The following DTNB variants were observed in gnomAD, a reference collection of about 807,000 sequenced individuals.
DTNB encodes the protein DTN-B.
Under a neutral mutation model 90.7 loss-of-function variants are expected in DTNB, and 63 were observed. The ratio of observed to expected loss-of-function variants is 0.69; its 90% CI spans 0.57 to 0.86. The LOEUF is 0.86. DTNB is among the 40% of genes least tolerant of loss of function. The pLI, the probability that DTNB is intolerant of heterozygous loss-of-function variation, is 0.00. For missense variants in DTNB, 744 were observed against 807.1 expected, an observed-to-expected ratio of 0.92 and a Z score of 0.95; for synonymous variants, 277 against 286.7, an observed-to-expected ratio of 0.97 and a Z score of 0.34.
In DTNB at chr2:25,387,397, G is replaced by A. The variant is rs752938500; in HGVS notation, c.1736-19C>T. Reference sequence around the variant, plus strand: ...CTCGTACCTGAGGAGAGGCAGAGCAGATGGGGATGCCAGGGTGGGTGAGCG... The same window carrying A: ...CTCGTACCTGAGGAGAGGCAGAGCAAATGGGGATGCCAGGGTGGGTGAGCG... On this transcript the variant is annotated intron_variant, in intron 17 of 20. Coordinates refer to ENST00000406818, the MANE Select transcript of DTNB (RefSeq NM_021907.5). This position sits in a 1 kb window ranked among gnomAD's most constrained non-coding sequence, Gnocchi z 4.5. 2 of 1,607,076 alleles carry A rather than the reference G, an allele frequency of 1.2e-6. No individual in the cohort carries two copies. Among genetic ancestry groups the A allele is most frequent in the Admixed American group, 3.3e-5 (2 of 59,882 alleles).
chr2:25,391,364 A>G (rs2041067259), intron 16 of DTNB, among the ~76,000 whole-genome samples: 1 of 152,228 alleles, frequency 6.6e-6, no homozygotes. Flanking sequence ...TATATGATAC[A>G]TGATCTATAT....
chr2:25,616,989 T>C (rs2070904531), intron 4 of DTNB, among the ~76,000 whole-genome samples: 1 of 150,312 alleles, frequency 6.7e-6, no homozygotes, highest in African/African-American at 2.5e-5. Context: ...AATTAAGTAT[T>C]GCCAGTAATG....
chr2:25,611,115 T>C (rs2068509790), intron 4 of DTNB, among the ~76,000 whole-genome samples: 1 of 152,228 alleles, frequency 6.6e-6, no homozygotes, highest in African/African-American at 2.4e-5. Flanking sequence ...TCTGGCTTCT[T>C]TCACTCAACA....
At chr2:25,617,674 C>T (rs778608918) in intron 4 of DTNB, among the ~76,000 whole-genome samples, 19 of 152,176 alleles carry the variant, frequency 1.2e-4, no homozygotes, top group Non-Finnish European at 2.8e-4. Flanking sequence ...AGGTGGATCA[C>T]TTGAGACCAA....
At chr2:25,610,698 C>T (rs559982578) in intron 4 of DTNB, among the ~76,000 whole-genome samples, 4 of 147,116 alleles carry the variant, frequency 2.7e-5, no homozygotes, top group East Asian at 3.9e-4. Flanking sequence ...CCACTTCCCA[C>T]CGTGGTAACT....
intron 8 of DTNB, among the ~76,000 whole-genome samples, chr2:25,567,136 G>A (rs2059160051): frequency 6.6e-6 from 1 of 152,124 alleles, no homozygotes; most frequent in African/African-American, 2.4e-5. Flanking sequence ...CTTGCCACAA[G>A]TGGGGATATT....
intron 8 of DTNB, among the ~76,000 whole-genome samples, chr2:25,554,364 T>C (rs1423643334): frequency 6.6e-6 from 1 of 152,194 alleles, no homozygotes; most frequent in Non-Finnish European, 1.5e-5. Context: ...TAACCAGCAG[T>C]TCATAGTCTC....
intron 3 of DTNB, among the ~76,000 whole-genome samples, chr2:25,632,920 T>A (rs1428277170): frequency 6.6e-6 from 1 of 152,204 alleles, no homozygotes; most frequent in African/African-American, 2.4e-5. Context: ...CCCACTATCA[T>A]CATTTCTGTA....
intron 15 of DTNB, among the ~76,000 whole-genome samples, chr2:25,425,452 G>A (rs1238200826): frequency 6.6e-6 from 1 of 152,188 alleles, no homozygotes. Flanking sequence ...TGCAGAAGTT[G>A]GAGAAAGTCT....
chr2:25,559,148 C>T (rs2057848027), intron 8 of DTNB, among the ~76,000 whole-genome samples: 1 of 152,156 alleles, frequency 6.6e-6, no homozygotes. Flanking sequence ...CCAAGACTCT[C>T]ACCTGGTTTT....
chr2:25,546,661 A>G (rs1163435367), intron 8 of DTNB, among the ~76,000 whole-genome samples: 1 of 152,208 alleles, frequency 6.6e-6, no homozygotes, highest in Non-Finnish European at 1.5e-5. Flanking sequence ...TTTAATTCTG[A>G]TAGCCAGGGC....
intron 4 of DTNB, among the ~76,000 whole-genome samples, chr2:25,615,459 T>G (rs1430638697): frequency 6.6e-6 from 1 of 152,124 alleles, no homozygotes; most frequent in Non-Finnish European, 1.5e-5. Context: ...TGGCAAACAG[T>G]CTATATCCTA....
intron 1 of DTNB, among the ~76,000 whole-genome samples, chr2:25,656,210 C>T (rs753783967): frequency 2.0e-5 from 3 of 152,148 alleles, no homozygotes; most frequent in Non-Finnish European, 2.9e-5. Flanking sequence ...ATTCAGGGTA[C>T]ATAAAATCCA....
At chr2:25,447,242 C>G (rs2058552068) in intron 12 of DTNB, among the ~76,000 whole-genome samples, 1 of 152,204 alleles carries the variant, frequency 6.6e-6, no homozygotes, top group Non-Finnish European at 1.5e-5. Flanking sequence ...TAGTTGGACT[C>G]TTTCAGTGGG....
At chr2:25,476,641 G>GA (rs1168690352) in intron 10 of DTNB, among the ~76,000 whole-genome samples, 1 of 152,104 alleles carries the variant, frequency 6.6e-6, no homozygotes, top group Admixed American at 6.6e-5. Flanking sequence ...AGATGTGGTA[G>GA]AAAAAAACAA....
chr2:25,447,324 GTTAGTT>G (rs1044328635), intron 12 of DTNB, among the ~76,000 whole-genome samples: 6 of 152,142 alleles, frequency 3.9e-5, no homozygotes, highest in African/African-American at 1.4e-4. Context: ...GTGCCTTGGG[GTTAGTT>G]TTAATGTTAA....
intron 10 of DTNB, among the ~76,000 whole-genome samples, chr2:25,482,116 C>G (rs542294184): frequency 7.3e-4 from 111 of 152,188 alleles, no homozygotes; most frequent in Admixed American, 4.4e-3. Context: ...AATGGCCATG[C>G]CCTTGAGGGA....
chr2:25,382,677 C>T (rs1486449725), intron 19 of DTNB, among the ~76,000 whole-genome samples: 3 of 151,790 alleles, frequency 2.0e-5, no homozygotes, highest in African/African-American at 7.3e-5. Context: ...TACAGGCATG[C>T]ACCACCACAC....
chr2:25,528,102 G>C (rs897234120), intron 9 of DTNB, among the ~76,000 whole-genome samples: 1 of 152,100 alleles, frequency 6.6e-6, no homozygotes, highest in African/African-American at 2.4e-5. Flanking sequence ...AACAATTAAT[G>C]TAATTCACTA....
Sources: gnomAD v4.1 joint callset for allele counts (sites outside exome capture counted in the v4.1 genomes callset) on GRCh38, gnomAD v4.1.1 for gene constraint, Gnocchi (gnomAD v3.1) non-coding constraint, MANE v1.5 for transcripts, NCBI Gene and HGNC (gene_info 2026-07-23, HGNC 2026-07-21) for gene names.